NTRK3: variants seen among roughly 807,000 people sequenced by gnomAD.
NTRK3 encodes neurotrophic receptor tyrosine kinase 3.
A neutral mutation model predicts 91.7 loss-of-function variants in NTRK3; 24 were observed. The ratio of observed to expected loss-of-function variants is 0.26; its 90% CI spans 0.19 to 0.37. NTRK3 has a LOEUF of 0.37. Ranked by LOEUF, NTRK3 falls within the 10% of genes least tolerant of loss-of-function variation. The pLI is 1.00. For missense variants in NTRK3, 880 were observed against 1,068.9 expected (o/e 0.82, Z 2.46); for synonymous variants, 483 against 404.0 (o/e 1.20, Z -2.34).
intron 13 of NTRK3, among the ~76,000 whole-genome samples, chr15:88,041,904 C>G (rs1477828198): frequency 2.0e-5 from 3 of 150,210 alleles, no homozygotes; most frequent in Non-Finnish European, 4.4e-5. Flanking sequence ...TCCCCACTCT[C>G]TGTCCCAAAG....
rs1416051493 is a variant in NTRK3, at chr15:88,033,206, A to G, written c.1397-161T>C. ...TATATATATATATATATATATATAT[A>G]TATATATATAAATTCAGTTGTTTGG... On this transcript the variant is annotated intron_variant, in intron 13 of 18. Coordinates refer to ENST00000394480, the Ensembl canonical transcript of NTRK3. 5.7e-5 allele frequency among the ~76,000 whole-genome samples: 7 copies of G among 123,364 alleles called. 1 individual carries two copies. The highest frequency in any genetic ancestry group is 1.6e-4 in the Admixed American group (2 of 12,324). 80.9% of individuals were successfully genotyped at this position (123,364 alleles called of 152,430 possible). A position where few individuals can be genotyped will look rare whatever the true frequency, so the allele number is the denominator to read the frequency against.
At chr15:88,242,041 C>T (rs1482955421) in intron 3 of NTRK3, among the ~76,000 whole-genome samples, 1 of 152,146 alleles carries the variant, frequency 6.6e-6, no homozygotes, top group East Asian at 1.9e-4. Flanking sequence ...TGGATAAATG[C>T]ACAAATAGAG....
intron 14 of NTRK3, among the ~76,000 whole-genome samples, chr15:87,964,712 T>C (rs2072633778): frequency 6.6e-6 from 1 of 152,202 alleles, no homozygotes; most frequent in African/African-American, 2.4e-5. Context: ...TTGCCTCTTC[T>C]TGACATTGCA....
rs201486132 is a variant in NTRK3, at chr15:88,127,245, A to G, written c.1229-19T>C. ...TCGTCAACTGAAAACCAAACACAAA[A>G]AGGAGGAGGACAGTTAGCTTCCCGG... On this transcript the variant is annotated intron_variant, in intron 11 of 18. Coordinates refer to ENST00000394480, the Ensembl canonical transcript of NTRK3. 1.5e-5 allele frequency: 24 copies of G among 1,611,016 alleles called. No homozygotes were observed. The highest frequency in any genetic ancestry group is 2.0e-5 in the Non-Finnish European group (23 of 1,177,618).
intron 14 of NTRK3, among the ~76,000 whole-genome samples, chr15:88,011,718 C>T (rs928155242): frequency 1.8e-4 from 28 of 152,128 alleles, no homozygotes; most frequent in African/African-American, 6.8e-4. Context: ...GAGACACTTC[C>T]CACCGCACAT....
At chr15:88,080,737 A>G (rs933971903) in intron 13 of NTRK3, among the ~76,000 whole-genome samples, 2 of 152,236 alleles carry the variant, frequency 1.3e-5, no homozygotes, top group South Asian at 2.1e-4. Context: ...CCAGAGTCCA[A>G]ACAACTGAGG....
intron 3 of NTRK3, among the ~76,000 whole-genome samples, chr15:88,247,952 C>T (rs1159027806): frequency 1.3e-5 from 2 of 152,152 alleles, no homozygotes; most frequent in East Asian, 3.9e-4. Flanking sequence ...AGCTGCCCAG[C>T]GCTTTAGACA....
At chr15:88,029,092 C>T (rs1232197510) in intron 14 of NTRK3, among the ~76,000 whole-genome samples, 1 of 152,158 alleles carries the variant, frequency 6.6e-6, no homozygotes, top group Non-Finnish European at 1.5e-5. Flanking sequence ...GCTGTGTGAC[C>T]AGGAGGGCTG....
intron 13 of NTRK3, among the ~76,000 whole-genome samples, chr15:88,077,494 C>T (rs187138007): frequency 3.9e-5 from 6 of 152,138 alleles, no homozygotes; most frequent in Admixed American, 1.3e-4. Flanking sequence ...TGGAAAGCCA[C>T]GTGCAAATCA....
chr15:87,993,916 G>C (rs2075479333), intron 14 of NTRK3, among the ~76,000 whole-genome samples: 1 of 152,178 alleles, frequency 6.6e-6, no homozygotes, highest in Non-Finnish European at 1.5e-5. Context: ...ACCTCTGTAA[G>C]CTTACCTAAA....
chr15:87,957,640 A>ATGT (rs35399252), intron 14 of NTRK3, among the ~76,000 whole-genome samples: 85,553 of 151,896 alleles, frequency 0.56, 24,878 homozygotes, highest in African/African-American at 0.72. Context: ...GAGGAAACAA[A>ATGT]TGTGCACTGT....
intron 13 of NTRK3, among the ~76,000 whole-genome samples, chr15:88,101,218 A>G (rs1489177275): frequency 6.6e-6 from 1 of 152,250 alleles, no homozygotes; most frequent in African/African-American, 2.4e-5. Flanking sequence ...ATATGAATAG[A>G]CACTTCTCAA....
intron 13 of NTRK3, among the ~76,000 whole-genome samples, chr15:88,091,874 C>A (rs2049049885): frequency 6.6e-6 from 1 of 152,210 alleles, no homozygotes; most frequent in Non-Finnish European, 1.5e-5. Context: ...TAAAACTCCA[C>A]CCCTTTCTGC....
intron 14 of NTRK3, among the ~76,000 whole-genome samples, chr15:88,012,042 G>C (rs1299312304): frequency 6.6e-6 from 1 of 152,138 alleles, no homozygotes; most frequent in African/African-American, 2.4e-5. Context: ...GAGCACAGCA[G>C]CAAGTCTAGG....
intron 14 of NTRK3, among the ~76,000 whole-genome samples, chr15:87,944,405 C>T (rs2070216559): frequency 6.6e-6 from 1 of 152,236 alleles, no homozygotes; most frequent in Non-Finnish European, 1.5e-5. Context: ...TATTCAACAC[C>T]TACTGTGTGT....
chr15:88,166,610 G>C (rs149628531), intron 5 of NTRK3, among the ~76,000 whole-genome samples: 1 of 152,146 alleles, frequency 6.6e-6, no homozygotes, highest in African/African-American at 2.4e-5. Context: ...AAGCAAAAAT[G>C]GTAGTATCAG....
chr15:88,162,900 C>T (rs1043269170), intron 5 of NTRK3, among the ~76,000 whole-genome samples: 7 of 152,184 alleles, frequency 4.6e-5, no homozygotes, highest in Non-Finnish European at 1.0e-4. Context: ...TAGGTCTGTA[C>T]ATGAGCAGTT....
intron 3 of NTRK3, among the ~76,000 whole-genome samples, chr15:88,220,918 G>T (rs193235747): frequency 5.3e-5 from 8 of 152,258 alleles, no homozygotes; most frequent in Non-Finnish European, 8.8e-5. Context: ...ACCTCCAGGG[G>T]ATACGTCTCA....
exon 19 of NTRK3, chr15:87,861,181 G>A (rs907623235): frequency 9.0e-6 from 2 of 222,244 alleles, no homozygotes. Flanking sequence ...TGAACACATG[G>A]GATCAGACAA....
Sources: gnomAD v4.1 joint callset for allele counts (sites outside exome capture counted in the v4.1 genomes callset) on GRCh38, gnomAD v4.1.1 for gene constraint, MANE v1.5 for transcripts, NCBI Gene and HGNC (gene_info 2026-07-23, HGNC 2026-07-21) for gene names.